CRACD: variants seen among roughly 807,000 people sequenced by gnomAD.
CRACD encodes the protein capping protein inhibiting regulator of actin dynamics.
Under a neutral mutation model 106.8 loss-of-function variants are expected in CRACD, and 56 were observed. The ratio of observed to expected loss-of-function variants is 0.52; its 90% CI spans 0.42 to 0.66. The LOEUF (loss-of-function observed/expected upper bound fraction) is 0.66. Among genes scored for constraint, CRACD ranks in the 30% least tolerant of loss-of-function variants. The pLI, the probability that CRACD is intolerant of heterozygous loss-of-function variation, is 0.00. For missense variants in CRACD, 1,730 were observed against 1,623.2 expected, an observed-to-expected ratio of 1.07 and a Z score of -1.13; for synonymous variants, 754 against 670.8, an observed-to-expected ratio of 1.12 and a Z score of -1.92.
rs760717753 is a variant in CRACD, at chr4:56,316,725, G to A, written c.3187+36G>A. 42 of 1,573,082 alleles carry A rather than the reference G, an allele frequency of 2.7e-5. No individual in the cohort carries two copies. In the Admixed American group the frequency reaches 7.0e-4, roughly 26 times the overall value. On this transcript the variant is annotated intron_variant, in intron 8 of 10. Transcript: ENST00000682029. ...GCAGGGTGGGTAACTGCTGCCAGCC[G>A]AGGTGTCAGAGCCAGGGCATCAAGA...
intron 1 of CRACD, among the ~76,000 whole-genome samples, chr4:56,121,501 G>A (rs1418020324): frequency 3.9e-5 from 6 of 152,032 alleles, no homozygotes; most frequent in African/African-American, 9.7e-5. Flanking sequence ...AAAATTAGCC[G>A]GGAGTGATGG....
intron 2 of CRACD, among the ~76,000 whole-genome samples, chr4:56,182,861 ATATG>A (rs776584371): frequency 1.6e-4 from 16 of 101,892 alleles, no homozygotes; most frequent in African/African-American, 4.0e-4. Context: ...GAAAAAAAAG[ATATG>A]TGTGTGTGTG....
At chr4:56,320,810 G>A (rs1022743668) in intron 8 of CRACD, 1 of 154,472 alleles carries the variant, frequency 6.5e-6, no homozygotes, top group African/African-American at 2.4e-5. Context: ...TCACGTGGAG[G>A]TGGGGAGGCC....
intron 1 of CRACD, among the ~76,000 whole-genome samples, chr4:56,090,550 A>G (rs1461851300): frequency 6.6e-6 from 1 of 152,076 alleles, no homozygotes; most frequent in East Asian, 1.9e-4. Flanking sequence ...GCGTACCACC[A>G]CACCCAGGTA....
intron 3 of CRACD, among the ~76,000 whole-genome samples, chr4:56,291,478 T>A (rs752255134): frequency 1.3e-5 from 2 of 152,200 alleles, no homozygotes; most frequent in Non-Finnish European, 2.9e-5. Flanking sequence ...CTATTCAGTT[T>A]CAATTCCAAC....
chr4:56,257,180 A>C (rs73162417), intron 2 of CRACD, among the ~76,000 whole-genome samples: 13,324 of 147,870 alleles, frequency 0.09, 1,802 homozygotes, highest in East Asian at 0.62. Flanking sequence ...CTCCTGGGTT[A>C]AAGCAATTCT....
intron 2 of CRACD, among the ~76,000 whole-genome samples, chr4:56,192,949 AG>A (rs760803448): frequency 7.2e-5 from 11 of 152,186 alleles, no homozygotes; most frequent in Non-Finnish European, 1.6e-4. Context: ...CCTCCATGGC[AG>A]GGACAGTGTC....
chr4:56,061,129 C>T (rs777889692), intron 1 of CRACD, among the ~76,000 whole-genome samples: 15 of 152,208 alleles, frequency 9.9e-5, no homozygotes, highest in Non-Finnish European at 1.6e-4. Flanking sequence ...GGCTCTAAGG[C>T]CCGGCTTTTT....
chr4:56,293,166 G>A (rs1010502609), intron 3 of CRACD, among the ~76,000 whole-genome samples: 4 of 152,168 alleles, frequency 2.6e-5, no homozygotes, highest in African/African-American at 9.7e-5. Context: ...ATCATATTGA[G>A]TAAAAAGAAT....
chr4:56,151,038 C>T (rs1348137450), intron 1 of CRACD, among the ~76,000 whole-genome samples: 1 of 152,072 alleles, frequency 6.6e-6, no homozygotes, highest in Non-Finnish European at 1.5e-5. Context: ...GCTCTGTTGT[C>T]CAGGCTGGAC....
intron 2 of CRACD, among the ~76,000 whole-genome samples, chr4:56,181,232 C>T (rs1406756531): frequency 6.6e-6 from 1 of 152,052 alleles, no homozygotes; most frequent in African/African-American, 2.4e-5. Context: ...CAGAAGGGGC[C>T]TCATCGAGGA....
At chr4:56,122,171 G>A (rs1317708987) in intron 1 of CRACD, among the ~76,000 whole-genome samples, 1 of 150,598 alleles carries the variant, frequency 6.6e-6, no homozygotes, top group African/African-American at 2.5e-5. Flanking sequence ...GCAACTTAGT[G>A]AGATTCCATC....
intron 1 of CRACD, among the ~76,000 whole-genome samples, chr4:56,083,293 A>T (rs1325323297): frequency 6.6e-6 from 1 of 152,236 alleles, no homozygotes; most frequent in Non-Finnish European, 1.5e-5. Flanking sequence ...ACAATTTATT[A>T]GCTAAGCAGC....
At chr4:56,086,045 C>T (rs1314807728) in intron 1 of CRACD, among the ~76,000 whole-genome samples, 4 of 152,288 alleles carry the variant, frequency 2.6e-5, no homozygotes, top group Non-Finnish European at 5.9e-5. Flanking sequence ...ATTGCATACT[C>T]ATTCCTAGAG....
At position 56,217,694 on chromosome 4, in the gene CRACD, G is replaced by T. The variant is rs537719822; in HGVS notation, c.-189+38264G>T. ...TTAAAGTCTCTGTTTTAATGTTAAT[G>T]CTGGTAAGCTGTGCCTGAATTGCAA... On this transcript the variant is annotated intron_variant, in intron 2 of 10. Transcript: ENST00000682029. Among the ~76,000 whole-genome samples the T allele has an allele frequency of 2.6e-5, 4 of 152,202 alleles. No individual in the cohort carries two copies. The East Asian group carries it at 7.7e-4, about 29-fold the overall frequency.
chr4:56,173,876 A>T (rs542344350), intron 1 of CRACD, among the ~76,000 whole-genome samples: 1 of 152,248 alleles, frequency 6.6e-6, no homozygotes, highest in South Asian at 2.1e-4. Flanking sequence ...CTGCATCCTC[A>T]CCAACACTTG....
At chr4:56,082,543 A>T (rs997310686) in intron 1 of CRACD, among the ~76,000 whole-genome samples, 2 of 152,132 alleles carry the variant, frequency 1.3e-5, no homozygotes, top group African/African-American at 4.8e-5. Flanking sequence ...AGTGAAGTAG[A>T]TAGATTTGTG....
chr4:56,163,505 T>TAA (rs146003603), intron 1 of CRACD, among the ~76,000 whole-genome samples: 1 of 152,070 alleles, frequency 6.6e-6, no homozygotes, highest in African/African-American at 2.4e-5. Flanking sequence ...CCCCTTATGT[T>TAA]AAAAAAAGTA....
chr4:56,139,021 A>G (rs921997355), intron 1 of CRACD, among the ~76,000 whole-genome samples: 2 of 152,186 alleles, frequency 1.3e-5, no homozygotes, highest in Non-Finnish European at 2.9e-5. Context: ...CCTACTGATG[A>G]CATGAAGAAA....
Sources: allele counts gnomAD v4.1 joint callset (sites outside exome capture counted in the v4.1 genomes callset), GRCh38; gene constraint gnomAD v4.1.1; transcripts MANE v1.5; gene names NCBI Gene and HGNC (gene_info 2026-07-23, HGNC 2026-07-21).